The following SND1 variants were observed in gnomAD, a reference collection of about 807,000 sequenced individuals.
SND1 encodes staphylococcal nuclease and tudor domain containing 1.
SND1 carries 38 observed loss-of-function variants against 121.7 expected under a neutral mutation model. The observed-to-expected ratio is 0.31, with a 90% CI of 0.24 to 0.41. The LOEUF (loss-of-function observed/expected upper bound fraction) is 0.41, where lower values mean the gene tolerates loss of function less well. SND1 is among the 10% of genes least tolerant of loss of function. The pLI, the probability that SND1 is intolerant of heterozygous loss-of-function variation, is 1.00. For missense variants in SND1, 868 were observed against 1,184.6 expected (o/e 0.73, Z 3.92); for synonymous variants, 401 against 447.4 (o/e 0.90, Z 1.31).
At chr7:128,048,544 G>C (rs1792992570) in intron 16 of SND1, among the ~76,000 whole-genome samples, 1 of 152,158 alleles carries the variant, frequency 6.6e-6, no homozygotes, top group East Asian at 1.9e-4. Context: ...GCACTGATTG[G>C]AAAGAGTGGG....
intron 10 of SND1, among the ~76,000 whole-genome samples, chr7:127,801,317 A>G (rs1417950093): frequency 6.6e-6 from 1 of 152,176 alleles, no homozygotes; most frequent in Non-Finnish European, 1.5e-5. Flanking sequence ...TTTTTCTGAC[A>G]ATTATCAAGT....
At chr7:127,999,985 T>C (rs1372595776) in intron 16 of SND1, 2 of 150,694 alleles carry the variant, frequency 1.3e-5, no homozygotes, top group Non-Finnish European at 2.9e-5. Context: ...CATTTTGATA[T>C]ATCAGGTGCT....
chr7:127,936,455 T>C (rs1801064894), intron 15 of SND1, among the ~76,000 whole-genome samples: 2 of 152,208 alleles, frequency 1.3e-5, no homozygotes, highest in South Asian at 4.1e-4. Flanking sequence ...CATTTTACTT[T>C]AGTATTTTGT....
chr7:127,970,665 G>A (rs760124703), intron 15 of SND1, among the ~76,000 whole-genome samples: 2 of 152,124 alleles, frequency 1.3e-5, no homozygotes, highest in Non-Finnish European at 2.9e-5. Context: ...CTCATTTTCT[G>A]TTGAGCACTT....
intron 11 of SND1, among the ~76,000 whole-genome samples, chr7:127,807,932 G>A (rs1033466913): frequency 1.6e-4 from 25 of 152,124 alleles, no homozygotes; most frequent in African/African-American, 5.8e-4. Flanking sequence ...GCGAGGGAAG[G>A]TTGCTGCTTT....
chr7:127,714,442 T>C (rs571657590), intron 9 of SND1, among the ~76,000 whole-genome samples: 1 of 152,334 alleles, frequency 6.6e-6, no homozygotes, highest in African/African-American at 2.4e-5. Context: ...TGGAGTTCAT[T>C]ATCATGTCTC....
intron 1 of SND1, among the ~76,000 whole-genome samples, chr7:127,656,708 C>T (rs530735035): frequency 8.5e-5 from 13 of 152,240 alleles, no homozygotes; most frequent in Admixed American, 4.6e-4. Flanking sequence ...AGGAATGTTG[C>T]GGGAAGTCAG....
At chr7:127,908,309 T>A (rs1241377994) in intron 14 of SND1, among the ~76,000 whole-genome samples, 3 of 133,892 alleles carry the variant, frequency 2.2e-5, no homozygotes, top group East Asian at 2.3e-4. Flanking sequence ...AAAAAAAAAA[T>A]AATAATAAAT....
intron 10 of SND1, among the ~76,000 whole-genome samples, chr7:127,791,991 A>T (rs1563014919): frequency 6.6e-6 from 1 of 152,244 alleles, no homozygotes; most frequent in Non-Finnish European, 1.5e-5. Context: ...ACTATCCATG[A>T]GAGTGTTCAA....
intron 1 of SND1, among the ~76,000 whole-genome samples, chr7:127,665,093 T>A (rs186260663): frequency 2.2e-4 from 33 of 152,300 alleles, no homozygotes; most frequent in Admixed American, 7.2e-4. Context: ...GGTATTGGTT[T>A]ACCCAAAGTT....
At chr7:128,058,105 T>G (rs556522703) in intron 16 of SND1, among the ~76,000 whole-genome samples, 1 of 152,370 alleles carries the variant, frequency 6.6e-6, no homozygotes, top group East Asian at 1.9e-4. Flanking sequence ...CATGTAGTTC[T>G]AGAAATCACA....
intron 12 of SND1, among the ~76,000 whole-genome samples, chr7:127,865,242 G>C (rs544689477): frequency 1.6e-4 from 25 of 152,324 alleles, no homozygotes; most frequent in African/African-American, 4.6e-4. Context: ...CATATGCTTG[G>C]CCATGGCCCT....
intron 15 of SND1, among the ~76,000 whole-genome samples, chr7:127,971,588 C>T (rs1463930991): frequency 6.6e-6 from 1 of 152,088 alleles, no homozygotes; most frequent in Admixed American, 6.5e-5. Context: ...CATATAATTT[C>T]ACTGGGTTTA....
At chr7:127,737,310 C>T (rs1248321108) in intron 10 of SND1, among the ~76,000 whole-genome samples, 1 of 152,136 alleles carries the variant, frequency 6.6e-6, no homozygotes, top group African/African-American at 2.4e-5. Context: ...CATGGTGGCT[C>T]ATGCTTGTAA....
chr7:127,725,771 G>C (rs964959805), intron 10 of SND1, among the ~76,000 whole-genome samples: 4 of 152,234 alleles, frequency 2.6e-5, no homozygotes, highest in African/African-American at 7.2e-5. Flanking sequence ...GGGAGAGGGT[G>C]CAGAATAAGG....
intron 10 of SND1, among the ~76,000 whole-genome samples, chr7:127,734,962 T>G (rs1487399008): frequency 2.0e-5 from 3 of 152,164 alleles, no homozygotes; most frequent in Non-Finnish European, 1.5e-5. Context: ...CCAAGGGCAT[T>G]CTTTTTGTGG....
At chr7:128,013,614 T>C (rs1803160847) in intron 16 of SND1, among the ~76,000 whole-genome samples, 1 of 152,122 alleles carries the variant, frequency 6.6e-6, no homozygotes, top group South Asian at 2.1e-4. Flanking sequence ...GGTGAGGCAA[T>C]GGTTTGGGGA....
chr7:127,994,561 A>C (rs1802594825), intron 16 of SND1, among the ~76,000 whole-genome samples: 1 of 107,226 alleles, frequency 9.3e-6, no homozygotes, highest in Non-Finnish European at 2.1e-5. Flanking sequence ...AAAAAAAAAA[A>C]AAAAAAAAAA....
intron 16 of SND1, among the ~76,000 whole-genome samples, chr7:128,058,031 C>A (rs964271802): frequency 1.3e-5 from 2 of 152,252 alleles, no homozygotes; most frequent in African/African-American, 4.8e-5. Context: ...CTTAGCCTGG[C>A]TATCAGGCCA....
Sources: gnomAD v4.1 joint callset for allele counts (sites outside exome capture counted in the v4.1 genomes callset) on GRCh38, gnomAD v4.1.1 for gene constraint, MANE v1.5 for transcripts, NCBI Gene and HGNC (gene_info 2026-07-23, HGNC 2026-07-21) for gene names.